PSD3: variants seen among roughly 807,000 people sequenced by gnomAD.
The protein encoded by PSD3 is PH and SEC7 domain-containing protein 3.
In PSD3, 49 loss-of-function variants were observed where a neutral mutation model predicts 105.5. The ratio of observed to expected loss-of-function variants is 0.46; its 90% CI spans 0.37 to 0.59. The LOEUF is 0.59. Among genes scored for constraint, PSD3 ranks in the 20% least tolerant of loss-of-function variants. The pLI is 0.00. For missense variants in PSD3, 1,561 were observed against 1,263.8 expected, an observed-to-expected ratio of 1.24 and a Z score of -3.57; for synonymous variants, 557 against 457.8, an observed-to-expected ratio of 1.22 and a Z score of -2.77.
intron 8 of PSD3, among the ~76,000 whole-genome samples, chr8:18,790,005 T>C (rs1051217432): frequency 3.3e-5 from 5 of 152,076 alleles, no homozygotes; most frequent in Admixed American, 6.6e-5. Flanking sequence ...AAAGCTACCC[T>C]GAGGTATTTT....
chr8:19,044,090 C>T (rs929758961), intron 1 of PSD3, among the ~76,000 whole-genome samples: 1 of 152,230 alleles, frequency 6.6e-6, no homozygotes, highest in African/African-American at 2.4e-5. Context: ...GGTTCAGCCA[C>T]AGTCAGAAGC....
At chr8:18,712,909 C>T (rs530510196) in intron 9 of PSD3, among the ~76,000 whole-genome samples, 6 of 152,206 alleles carry the variant, frequency 3.9e-5, no homozygotes, top group South Asian at 4.1e-4. Flanking sequence ...AACTGCATCC[C>T]GAAGCACATT....
intron 1 of PSD3, among the ~76,000 whole-genome samples, chr8:19,006,623 A>G (rs566116136): frequency 2.6e-5 from 4 of 152,216 alleles, no homozygotes; most frequent in Non-Finnish European, 5.9e-5. Flanking sequence ...CAGACTTGTC[A>G]CTACAGAGTA....
intron 9 of PSD3, among the ~76,000 whole-genome samples, chr8:18,676,903 T>C (rs951683749): frequency 6.6e-6 from 1 of 152,190 alleles, no homozygotes; most frequent in African/African-American, 2.4e-5. Flanking sequence ...TCTGCTCGGC[T>C]CCATGTTAAT....
intron 9 of PSD3, among the ~76,000 whole-genome samples, chr8:18,688,801 T>G (rs2130984372): frequency 6.6e-6 from 1 of 152,316 alleles, no homozygotes; most frequent in East Asian, 1.9e-4. Flanking sequence ...GCCTTGACCA[T>G]TTATAGACAT....
At chr8:18,647,047 G>A (rs1311552816) in intron 10 of PSD3, among the ~76,000 whole-genome samples, 1 of 152,142 alleles carries the variant, frequency 6.6e-6, no homozygotes, top group Non-Finnish European at 1.5e-5. Flanking sequence ...AGATGTACAT[G>A]CACACACTCA....
intron 12 of PSD3, among the ~76,000 whole-genome samples, chr8:18,591,191 A>G (rs1211638763): frequency 6.6e-6 from 1 of 152,168 alleles, no homozygotes; most frequent in Non-Finnish European, 1.5e-5. Flanking sequence ...TCTTACCCAC[A>G]TCAACCCCTC....
At position 18,871,925 on chromosome 8, in the gene PSD3, C is replaced by T; in HGVS notation, c.939G>A (p.Lys313=). 1 of 1,614,218 alleles carries T rather than the reference C, an allele frequency of 6.2e-7. No individual in the cohort carries two copies. The highest frequency in any genetic ancestry group is 8.5e-7 in the Non-Finnish European group (1 of 1,180,028). The change falls in exon 3 of 16, where the codon AAG becomes AAA. Residue 313 remains lysine, a synonymous_variant. Transcript: ENST00000327040. ...AATCTATAGGATGCTGGGTCTCTCTCTTGTCTCCTCCTGTCCACAGTATTT... is the reference window on the plus strand; with the variant it reads ...AATCTATAGGATGCTGGGTCTCTCTTTTGTCTCCTCCTGTCCACAGTATTT... The part of the protein sequence containing the change: ...GVEILWTGGD[K]RETQHPIDFE...
chr8:18,773,446 G>T (rs1480255641), intron 8 of PSD3, among the ~76,000 whole-genome samples: 3 of 152,038 alleles, frequency 2.0e-5, no homozygotes, highest in Non-Finnish European at 4.4e-5. Context: ...TTTCAAAACT[G>T]TTATGATTAT....
intron 1 of PSD3, among the ~76,000 whole-genome samples, chr8:19,047,711 G>C (rs1303909474): frequency 6.6e-6 from 1 of 152,120 alleles, no homozygotes; most frequent in East Asian, 1.9e-4. Context: ...GTAGGGATGT[G>C]TTGAATGATG....
chr8:19,032,418 G>A (rs1326427088), intron 1 of PSD3, among the ~76,000 whole-genome samples: 1 of 152,072 alleles, frequency 6.6e-6, no homozygotes, highest in Non-Finnish European at 1.5e-5. Flanking sequence ...CAAGGTGGGA[G>A]GATTGCTTGT....
At chr8:18,926,863 C>T (rs1429188852) in intron 2 of PSD3, among the ~76,000 whole-genome samples, 1 of 152,046 alleles carries the variant, frequency 6.6e-6, no homozygotes, top group African/African-American at 2.4e-5. Context: ...GGTCCCTCTA[C>T]CCCACCCCTA....
chr8:18,808,366 C>G lies in PSD3; in HGVS notation c.1635-3468G>C, dbSNP rs12549141. On this transcript the variant is annotated intron_variant, in intron 4 of 15. Coordinates refer to ENST00000327040, the MANE Select transcript of PSD3 (RefSeq NM_015310.4). ...AAACAATGTAATTATACCACATATA[C>G]AGTACTGGCCCAATTTTGTTCAAAT... 7.7e-3 allele frequency among the ~76,000 whole-genome samples: 1,171 copies of G among 152,304 alleles called. 27 individuals carry two copies. Among genetic ancestry groups the G allele is most frequent in the Admixed American group, 0.04 (614 of 15,296 alleles).
chr8:18,730,801 T>C (rs1057407296), intron 9 of PSD3, among the ~76,000 whole-genome samples: 4 of 152,122 alleles, frequency 2.6e-5, no homozygotes, highest in Admixed American at 6.5e-5. Flanking sequence ...TTTCAGAAAT[T>C]TAAGATATAA....
intron 9 of PSD3, among the ~76,000 whole-genome samples, chr8:18,749,680 C>T (rs1322190040): frequency 1.3e-5 from 2 of 152,032 alleles, no homozygotes; most frequent in South Asian, 2.1e-4. Context: ...GAAAAGGAAA[C>T]CAGACAAAGA....
At chr8:18,699,661 A>G (rs1801460065) in intron 9 of PSD3, among the ~76,000 whole-genome samples, 1 of 152,180 alleles carries the variant, frequency 6.6e-6, no homozygotes, top group South Asian at 2.1e-4. Context: ...TAGCGTAAAG[A>G]CTGCTGGGCA....
intron 13 of PSD3, 72 bp from the exon 14 acceptor site, chr8:18,572,744 G>T: frequency 6.6e-7 from 1 of 1,518,182 alleles, no homozygotes; most frequent in Non-Finnish European, 9.0e-7. Flanking sequence ...CCTATTTCAC[G>T]TTACTGATTT....
At chr8:18,576,888 ACTTT>A (rs1802492964) in intron 12 of PSD3, among the ~76,000 whole-genome samples, 1 of 140,042 alleles carries the variant, frequency 7.1e-6, no homozygotes, top group Non-Finnish European at 1.6e-5. Flanking sequence ...ATTTGTGTGT[ACTTT>A]TTTTTTTTTT....
At chr8:18,899,453 A>G (rs1291562016) in intron 2 of PSD3, among the ~76,000 whole-genome samples, 1 of 152,154 alleles carries the variant, frequency 6.6e-6, no homozygotes, top group Non-Finnish European at 1.5e-5. Context: ...TCAACGATGC[A>G]ATCTTCCAGA....
Sources: gnomAD v4.1 joint callset for allele counts (sites outside exome capture counted in the v4.1 genomes callset) on GRCh38, gnomAD v4.1.1 for gene constraint, MANE v1.5 for transcripts, NCBI Gene and HGNC (gene_info 2026-07-23, HGNC 2026-07-21) for gene names.